Variants in ANK2 observed in about 807,000 individuals in gnomAD.
ANK2 encodes ankyrin 2.
ANK2 carries 83 observed loss-of-function variants against 360.5 expected under a neutral mutation model. That is an observed-to-expected ratio of 0.23 (90% CI 0.19 to 0.28). The LOEUF is 0.28. Ranked by LOEUF, ANK2 falls within the 10% of genes least tolerant of loss-of-function variation. The pLI is 1.00. For missense variants in ANK2, 4,201 were observed against 4,795.7 expected, an observed-to-expected ratio of 0.88 and a Z score of 3.66; for synonymous variants, 1,740 against 1,759.5, an observed-to-expected ratio of 0.99 and a Z score of 0.28.
intron 11 of ANK2, 77 bp from the exon 12 acceptor site, chr4:113,257,973 C>A: frequency 1.6e-6 from 2 of 1,284,100 alleles, no homozygotes; most frequent in South Asian, 1.2e-5. Flanking sequence ...AACATTATTG[C>A]CTGCAATGTG....
chr4:112,983,568 G>A (rs755071250), intron 2 of ANK2, among the ~76,000 whole-genome samples: 7 of 151,850 alleles, frequency 4.6e-5, no homozygotes, highest in South Asian at 2.1e-4. Flanking sequence ...CCAGCTACTC[G>A]TGAGGCTGAG....
At chr4:112,829,491 C>CAAAAAA (rs60272903) in intron 1 of ANK2, among the ~76,000 whole-genome samples, 7,450 of 60,360 alleles carry the variant, frequency 0.12, 1,326 homozygotes, top group African/African-American at 0.32. Flanking sequence ...CCCATCTCTA[C>CAAAAAA]AAAAAAAAAA....
intron 14 of ANK2, 62 bp downstream of exon 14, chr4:113,265,057 G>A (rs2055193544): frequency 3.4e-6 from 5 of 1,462,054 alleles, no homozygotes; most frequent in Non-Finnish European, 4.7e-6. Flanking sequence ...CCTTAAGAGA[G>A]GGTGTTGCCC....
intron 1 of ANK2, among the ~76,000 whole-genome samples, chr4:112,865,066 A>T (rs1454278345): frequency 2.8e-5 from 4 of 140,920 alleles, no homozygotes; most frequent in Admixed American, 2.1e-4. Context: ...AAAAAAAAAA[A>T]AAAAGGAGTA....
intron 1 of ANK2, among the ~76,000 whole-genome samples, chr4:112,861,439 CT>C (rs1367203891): frequency 6.6e-6 from 1 of 152,186 alleles, no homozygotes; most frequent in Non-Finnish European, 1.5e-5. Context: ...CTCTGATCTA[CT>C]AGAAGTTTGT....
chr4:112,860,926 A>C (rs1206122832), intron 1 of ANK2, among the ~76,000 whole-genome samples: 1 of 152,184 alleles, frequency 6.6e-6, no homozygotes, highest in Non-Finnish European at 1.5e-5. Flanking sequence ...GACATGTACA[A>C]GTTTCCAAAG....
intron 1 of ANK2, among the ~76,000 whole-genome samples, chr4:113,112,591 G>T (rs1466725487): frequency 1.3e-5 from 2 of 152,098 alleles, no homozygotes; most frequent in African/African-American, 2.4e-5. Context: ...TGACAGAATG[G>T]TCACTATTTA....
chr4:112,772,369 A>G, the ANK2 span, among the ~76,000 whole-genome samples: 1 of 152,168 alleles, frequency 6.6e-6, no homozygotes, highest in African/African-American at 2.4e-5. Flanking sequence ...CTCATGATTC[A>G]ATTATCTTCC....
rs562035186 is a variant in ANK2 at position 113,115,177 on chromosome 4, T to A, written c.85-59239T>A. ...GTCAAGTGGTAGACGGTGACTCCCC[T>A]GGCCAAGGAGATAGAAGAATCCTCC... On this transcript the variant is annotated intron_variant, in intron 1 of 45. Coordinates refer to ENST00000357077, the MANE Select transcript of ANK2 (RefSeq NM_001148.6). Among the ~76,000 whole-genome samples, 6 of 151,952 alleles carry A rather than the reference T, an allele frequency of 3.9e-5. No homozygotes were observed. The East Asian group carries it at 1.2e-3, about 29-fold the overall frequency.
chr4:113,289,756 C>T (rs2066628590), intron 20 of ANK2, among the ~76,000 whole-genome samples: 1 of 152,026 alleles, frequency 6.6e-6, no homozygotes, highest in Non-Finnish European at 1.5e-5. Flanking sequence ...AAGATTTAAA[C>T]TTATAATCTT....
chr4:112,881,122 G>C (rs2076583336), intron 1 of ANK2, among the ~76,000 whole-genome samples: 1 of 152,110 alleles, frequency 6.6e-6, no homozygotes, highest in African/African-American at 2.4e-5. Context: ...ATATTATCAA[G>C]TATCTTCTAT....
chr4:113,282,709 A>G lies in ANK2; in HGVS notation c.1916A>G (p.Lys639Arg). Residue 639 changes from lysine (K) to arginine (R), a missense_variant, in exon 18 of 46, where the codon AAG (lysine) becomes AGG (arginine). Physicochemically the swap from Lys to Arg is conservative, Grantham distance 26 (BLOSUM62 2). Around this residue, in one of 4 missense-constraint regions of ANK2, gnomAD observed 1,268 missense variants for 1,650.8 expected, o/e 0.77. Transcript: ENST00000357077. ...GYTPLHIAAK[K>R]NQMQIASTLL... is the part of the protein sequence containing the mutation. ...ACTCCGTTACATATTGCTGCCAAGA[A>G]GAATCAAATGCAGATAGCTTCCACA... 1 of 1,613,804 alleles carries G rather than the reference A, an allele frequency of 6.2e-7. No individual in the cohort carries two copies. Among genetic ancestry groups the G allele is most frequent in the Non-Finnish European group, 8.5e-7 (1 of 1,179,820 alleles).
intron 1 of ANK2, among the ~76,000 whole-genome samples, chr4:113,151,992 G>C (rs949057217): frequency 2.0e-5 from 3 of 148,826 alleles, no homozygotes; most frequent in Admixed American, 6.7e-5. Context: ...CTTGAGCCTA[G>C]GAGGTGGAGA....
chr4:113,258,466 G>A (rs958343090), intron 13 of ANK2, 55 bp downstream of exon 13: 62 of 1,526,530 alleles, frequency 4.1e-5, no homozygotes, highest in Admixed American at 3.0e-4. Flanking sequence ...GAGGAACAGA[G>A]ATTGTGGGTG....
At chr4:113,208,970 G>C (rs1341260775) in intron 4 of ANK2, among the ~76,000 whole-genome samples, 1 of 151,920 alleles carries the variant, frequency 6.6e-6, no homozygotes, top group African/African-American at 2.4e-5. Flanking sequence ...ACAGTGAAGA[G>C]GCAAAGGGCA....
At chr4:113,074,131 G>A (rs1311694046) in intron 1 of ANK2, among the ~76,000 whole-genome samples, 3 of 152,190 alleles carry the variant, frequency 2.0e-5, no homozygotes, top group African/African-American at 7.2e-5. Context: ...TGTAGAGAAT[G>A]TGTTGTGAAT....
the ANK2 span, among the ~76,000 whole-genome samples, chr4:112,719,742 A>C: frequency 6.7e-6 from 1 of 150,258 alleles, no homozygotes; most frequent in South Asian, 2.1e-4. Context: ...AAAAAAAAAA[A>C]GAAGGTATAA....
intron 2 of ANK2, among the ~76,000 whole-genome samples, chr4:112,934,595 T>A (rs773904263): frequency 6.6e-6 from 1 of 152,242 alleles, no homozygotes; most frequent in African/African-American, 2.4e-5. Context: ...CAGTATTTAT[T>A]GTATTTGTTT....
Position 113,157,813 on chromosome 4 carries a change from T to A in ANK2, c.85-16603T>A, listed in dbSNP as rs2097358058. Among the ~76,000 whole-genome samples, 3 of 152,228 alleles carry A rather than the reference T, an allele frequency of 2.0e-5. No individual in the cohort carries two copies. The South Asian group carries it at 6.2e-4, about 31-fold the overall frequency. On this transcript the variant is annotated intron_variant, in intron 1 of 45. Coordinates refer to ENST00000357077, the MANE Select transcript of ANK2 (RefSeq NM_001148.6). The stretch of plus-strand genomic sequence containing the variant: ...TCTCTATGGTAGGACTTACCAGTTA[T>A]CAATTTCGGGTCTGCCACTTCTTAC...
Sources: gnomAD v4.1 joint callset for allele counts (sites outside exome capture counted in the v4.1 genomes callset) on GRCh38, gnomAD v4.1.1 for gene constraint, gnomAD v4.1.1 regional missense constraint, MANE v1.5 for transcripts, NCBI Gene and HGNC (gene_info 2026-07-23, HGNC 2026-07-21) for gene names.